ATXN10: variants seen among roughly 807,000 people sequenced by gnomAD.
ATXN10 encodes ataxin 10, also known as ataxin-10.
ATXN10 carries 28 observed loss-of-function variants against 52.9 expected under a neutral mutation model. That is an observed-to-expected ratio of 0.53 (90% CI 0.39 to 0.73). The LOEUF (loss-of-function observed/expected upper bound fraction) is 0.73, where lower values mean the gene tolerates loss of function less well. Ranked by LOEUF, ATXN10 falls within the 30% of genes least tolerant of loss-of-function variation. ATXN10 has a pLI of 0.00. For missense variants in ATXN10, 565 were observed against 577.0 expected (o/e 0.98, Z 0.21); for synonymous variants, 226 against 221.5 (o/e 1.02, Z -0.18).
intron 8 of ATXN10, among the ~76,000 whole-genome samples, chr22:45,739,409 G>A (rs1601616075): frequency 6.6e-6 from 1 of 152,164 alleles, no homozygotes; most frequent in Non-Finnish European, 1.5e-5. Flanking sequence ...TTCATTATTT[G>A]CAATTTTTTC....
At chr22:45,767,524 G>A (rs536514424) in intron 9 of ATXN10, among the ~76,000 whole-genome samples, 1 of 151,956 alleles carries the variant, frequency 6.6e-6, no homozygotes, top group Admixed American at 6.5e-5. Context: ...TTTTAAACAT[G>A]GTTAGCTTTA....
intron 9 of ATXN10, among the ~76,000 whole-genome samples, chr22:45,785,815 G>A (rs1927305140): frequency 6.6e-6 from 1 of 152,232 alleles, no homozygotes; most frequent in African/African-American, 2.4e-5. Flanking sequence ...CCTGCAGGAG[G>A]GGTATACTTG....
chr22:45,701,365 A>G lies in ATXN10; in HGVS notation c.488+987A>G, dbSNP rs1923837679. ...AAGCCTATCTATGCTCATTGTAAAT[A>G]CTGTGCTGCTTAAATTCCGTAATGC... On this transcript the variant is annotated intron_variant, in intron 4 of 11. Coordinates refer to ENST00000252934, the MANE Select transcript of ATXN10 (RefSeq NM_013236.4). This position sits in a 1 kb window ranked among gnomAD's most constrained non-coding sequence, Gnocchi z 4.2. Among the ~76,000 whole-genome samples the G allele has an allele frequency of 6.6e-6, 1 of 152,316 alleles. No homozygotes were observed. The highest frequency in any genetic ancestry group is 1.5e-5 in the Non-Finnish European group (1 of 68,024).
At chr22:45,839,549 G>A (rs886520401) in intron 10 of ATXN10, among the ~76,000 whole-genome samples, 1 of 152,154 alleles carries the variant, frequency 6.6e-6, no homozygotes, top group South Asian at 2.1e-4. Context: ...TCCACTTGCC[G>A]TATATATAAA....
rs1419908464 is a variant in ATXN10 at position 45,696,245 on chromosome 22, A to G, written c.391+3167A>G. 6.6e-6 allele frequency among the ~76,000 whole-genome samples: 1 copy of G among 152,202 alleles called. No individual in the cohort carries two copies. Among genetic ancestry groups the G allele is most frequent in the Non-Finnish European group, 1.5e-5 (1 of 68,030 alleles). Reference sequence around the variant, plus strand: ...AATTGGGGAATTATAAATTAGCAGTAAAGTCCGTGTTTCACAGTGTCACTT... The same window carrying G: ...AATTGGGGAATTATAAATTAGCAGTGAAGTCCGTGTTTCACAGTGTCACTT... On this transcript the variant is annotated intron_variant, in intron 3 of 11. Transcript: ENST00000252934. This position sits in a 1 kb window ranked among gnomAD's most constrained non-coding sequence, Gnocchi z 4.7.
In ATXN10 at chr22:45,729,582, G is replaced by A. The variant is rs186780419; in HGVS notation, c.886G>A (p.Asp296Asn). The change falls in exon 7 of 12, where the codon GAT becomes AAT. Residue 296 changes from aspartate (D) to asparagine (N), a missense_variant. Asp to Asn is a conservative substitution (Grantham distance 23). Transcript: ENST00000252934. ...CAAGCTGGCCTCTGAGGAGCCTCCT[G>A]ATGATGAGGTAAGGGAGGCAGATTT... ...VLKLASEEPP[D>N]DEEALATIRL... is the part of the protein sequence containing the mutation. 1.2e-5 allele frequency: 20 copies of A among 1,614,136 alleles called. No individual in the cohort carries two copies. In the African/African-American group the frequency reaches 2.1e-4, roughly 17 times the overall value.
At position 45,837,819 on chromosome 22, in the gene ATXN10, A is replaced by G. The variant is rs73441945; in HGVS notation, c.1238-5172A>G. ...AATTTCAAATTTTCATGTGCCAGAA[A>G]TCAGTATTCTTTAGATTTTTTTCCA... On this transcript the variant is annotated intron_variant, in intron 10 of 11. Transcript: ENST00000252934. The surrounding 1 kb of genome is among the most constrained non-coding windows in gnomAD (Gnocchi z 5.8). Among the ~76,000 whole-genome samples, 3,355 of 152,340 alleles carry G rather than the reference A, an allele frequency of 0.022. 60 individuals are homozygous for G. The highest frequency in any genetic ancestry group is 0.056 in the African/African-American group (2,323 of 41,564).
rs963419444 is a variant in ATXN10 at position 45,766,605 on chromosome 22, A to C, written c.1173+26067A>C. Among the ~76,000 whole-genome samples, 9 of 152,242 alleles carry C rather than the reference A, an allele frequency of 5.9e-5. No individual in the cohort carries two copies. The highest frequency in any genetic ancestry group is 1.3e-4 in the Non-Finnish European group (9 of 68,044). On this transcript the variant is annotated intron_variant, in intron 9 of 11. Coordinates refer to ENST00000252934, the MANE Select transcript of ATXN10 (RefSeq NM_013236.4). This position sits in a 1 kb window ranked among gnomAD's most constrained non-coding sequence, Gnocchi z 4.6. The stretch of plus-strand genomic sequence containing the variant: ...CACCTGAACCCATGCAAGTATTAGG[A>C]GAAAACATGAATGAGTTCCGTTATA...
In ATXN10 at chr22:45,766,951, C is replaced by G. The variant is rs1258660669; in HGVS notation, c.1173+26413C>G. Among the ~76,000 whole-genome samples the G allele has an allele frequency of 6.6e-6, 1 of 152,146 alleles. No homozygotes were observed. The highest frequency in any genetic ancestry group is 1.5e-5 in the Non-Finnish European group (1 of 68,032). On this transcript the variant is annotated intron_variant, in intron 9 of 11. Coordinates refer to ENST00000252934, the MANE Select transcript of ATXN10 (RefSeq NM_013236.4). The surrounding 1 kb of genome is among the most constrained non-coding windows in gnomAD (Gnocchi z 4.6). Reference sequence around the variant, plus strand: ...CACATTAAACTACTCACTGAGATACCATTTTTCACCTGTGTGATATCAAAT... The same window carrying G: ...CACATTAAACTACTCACTGAGATACGATTTTTCACCTGTGTGATATCAAAT...
At chr22:45,778,048 C>T (rs534834694) in intron 9 of ATXN10, among the ~76,000 whole-genome samples, 1 of 152,306 alleles carries the variant, frequency 6.6e-6, no homozygotes, top group South Asian at 2.1e-4. Context: ...CACACTACAA[C>T]AACACAGTTG....
chr22:45,786,543 G>T lies in ATXN10; in HGVS notation c.1174-20416G>T, dbSNP rs901467812. 5.9e-5 allele frequency among the ~76,000 whole-genome samples: 9 copies of T among 152,292 alleles called. No homozygotes were observed. The South Asian group carries it at 1.5e-3, about 25-fold the overall frequency. ...CCTGCCAGGGCATTGCTCCCTGGTC[G>T]GAAGGATTGTTGGTTCTTCCTTACT... On this transcript the variant is annotated intron_variant, in intron 9 of 11. Coordinates refer to ENST00000252934, the MANE Select transcript of ATXN10 (RefSeq NM_013236.4). The surrounding 1 kb of genome is among the most constrained non-coding windows in gnomAD (Gnocchi z 4.1).
At chr22:45,751,303 A>G (rs111279080) in intron 9 of ATXN10, among the ~76,000 whole-genome samples, 13,693 of 152,208 alleles carry the variant, frequency 0.09, 794 homozygotes, top group Middle Eastern at 0.16. Flanking sequence ...TTTAGCAATG[A>G]CAATTTCAAT....
In ATXN10 at chr22:45,754,423, G is replaced by A. The variant is rs1429056102; in HGVS notation, c.1173+13885G>A. 6.6e-6 allele frequency among the ~76,000 whole-genome samples: 1 copy of A among 152,142 alleles called. No homozygotes were observed. The highest frequency in any genetic ancestry group is 2.4e-5 in the African/African-American group (1 of 41,416). On this transcript the variant is annotated intron_variant, in intron 9 of 11. Transcript: ENST00000252934. This position sits in a 1 kb window ranked among gnomAD's most constrained non-coding sequence, Gnocchi z 5.4. Reference sequence around the variant, plus strand: ...GCAGTCACAGTGACCTTCCATGAATGCCTCCTGCATGTGCTTGAGTGGGAT... The same window carrying A: ...GCAGTCACAGTGACCTTCCATGAATACCTCCTGCATGTGCTTGAGTGGGAT...
At chr22:45,764,141 T>C (rs966097482) in intron 9 of ATXN10, among the ~76,000 whole-genome samples, 1 of 152,150 alleles carries the variant, frequency 6.6e-6, no homozygotes, top group Non-Finnish European at 1.5e-5. Flanking sequence ...ATACGCTTGC[T>C]TGCTAAGTCC....
At chr22:45,760,835 T>C (rs189700793) in intron 9 of ATXN10, among the ~76,000 whole-genome samples, 1 of 152,226 alleles carries the variant, frequency 6.6e-6, no homozygotes, top group Non-Finnish European at 1.5e-5. Flanking sequence ...GATTGTTTGT[T>C]ACTGCAGCAC....
In ATXN10 at chr22:45,843,548, T is replaced by C. The variant is rs904891304; in HGVS notation, c.1426-121T>C. On this transcript the variant is annotated intron_variant, in intron 11 of 11. Coordinates refer to ENST00000252934, the MANE Select transcript of ATXN10 (RefSeq NM_013236.4). The surrounding 1 kb of genome is among the most constrained non-coding windows in gnomAD (Gnocchi z 4.5). ...TTGAATAATATTGCATGAATTGTTT[T>C]AGGTTTCTCTAAGTTATTTGTCACC... The C allele has an allele frequency of 2.4e-5, 21 of 865,954 alleles. No individual in the cohort carries two copies. The Admixed American group carries it at 3.8e-4, about 16-fold the overall frequency. 53.6% of individuals were successfully genotyped at this position (865,954 alleles called of 1,614,324 possible). A position where few individuals can be genotyped will look rare whatever the true frequency, so the allele number is the denominator to read the frequency against.
At chr22:45,793,516 G>A (rs1296717947) in intron 9 of ATXN10, 11 of 1,206,660 alleles carry the variant, frequency 9.1e-6, no homozygotes, top group Admixed American at 8.3e-5. Flanking sequence ...CTGAATTCAC[G>A]ATTCTCTTTA....
rs1007433655 is a variant in ATXN10, at chr22:45,823,319, C to G, written c.1237+16297C>G. The G allele has an allele frequency of 5.0e-6, 2 of 396,504 alleles. No individual in the cohort carries two copies. Among genetic ancestry groups the G allele is most frequent in the African/African-American group, 4.2e-5 (2 of 47,314 alleles). The allele number at this position is 396,504 out of a possible 1,614,324, so 24.6% of individuals were successfully genotyped here. ...TCTATGTTTAGTGATTTTTGTGTCT[C>G]TGAGGTCTGAGGTCATAAAAGTATG... is the stretch of plus-strand genomic sequence containing the variant. On this transcript the variant is annotated intron_variant, in intron 10 of 11. Transcript: ENST00000252934. The surrounding 1 kb of genome is among the most constrained non-coding windows in gnomAD (Gnocchi z 4.9).
Position 45,819,227 on chromosome 22 carries a change from GAATAGAATAGAATAGA to G in ATXN10, c.1237+12207_1237+12222del, listed in dbSNP as rs1346588738. Among the ~76,000 whole-genome samples the G allele has an allele frequency of 8.2e-5, 12 of 145,808 alleles. No homozygotes were observed. Among genetic ancestry groups the G allele is most frequent in the Admixed American group, 2.0e-4 (3 of 14,968 alleles). ...GAATAGAATAGAATAGAATAGAATA[GAATAGAATAGAATAGA>G]ATAGAATAGGCTTTTATAATTCTTA... On this transcript the variant is annotated intron_variant, in intron 10 of 11. Coordinates refer to ENST00000252934, the MANE Select transcript of ATXN10 (RefSeq NM_013236.4). This position sits in a 1 kb window ranked among gnomAD's most constrained non-coding sequence, Gnocchi z 4.5.
Sources: gnomAD v4.1 joint callset for allele counts (sites outside exome capture counted in the v4.1 genomes callset) on GRCh38, gnomAD v4.1.1 for gene constraint, Gnocchi (gnomAD v3.1) non-coding constraint, MANE v1.5 for transcripts, NCBI Gene and HGNC (gene_info 2026-07-23, HGNC 2026-07-21) for gene names.